TMEM181: variants seen among roughly 807,000 people sequenced by gnomAD.
TMEM181 encodes transmembrane protein 181.
TMEM181 carries 39 observed loss-of-function variants against 71.9 expected under a neutral mutation model. The observed-to-expected ratio is 0.54, with a 90% CI of 0.42 to 0.71. TMEM181 has a LOEUF of 0.71. Among genes scored for constraint, TMEM181 ranks in the 30% least tolerant of loss-of-function variants. The probability of loss-of-function intolerance (pLI) is 0.00; values close to 1 mark genes in which losing one functional copy is unlikely to be tolerated. For synonymous variants in TMEM181, 245 were observed against 228.8 expected (o/e 1.07, Z -0.64); for missense variants, 595 against 583.0 (o/e 1.02, Z -0.21).
At chr6:158,605,125 AAAAAAAGTGT>A in intron 6 of TMEM181, 132 bp from the exon 7 acceptor site, 1 of 494,520 alleles carries the variant, frequency 2.0e-6, no homozygotes. Flanking sequence ...AAAAAAAAAA[AAAAAAAGTGT>A]GTGTGTGTGT....
At chr6:158,607,441 G>T in intron 8 of TMEM181, 98 bp downstream of exon 8, 2 of 1,130,002 alleles carry the variant, frequency 1.8e-6, no homozygotes, top group Non-Finnish European at 1.3e-6. Context: ...ACTTTGAGAG[G>T]CTGGGGCAGG....
chr6:158,596,731 G>C (rs1784406703), intron 6 of TMEM181, among the ~76,000 whole-genome samples: 1 of 152,162 alleles, frequency 6.6e-6, no homozygotes, highest in African/African-American at 2.4e-5. Flanking sequence ...TCAGAATCAT[G>C]GCGAGAGGCG....
At chr6:158,577,160 A>G (rs1783212320) in intron 2 of TMEM181, among the ~76,000 whole-genome samples, 1 of 152,188 alleles carries the variant, frequency 6.6e-6, no homozygotes, top group Non-Finnish European at 1.5e-5. Context: ...GAGTAAGACC[A>G]TATGACAGAT....
chr6:158,623,494 A>G, intron 10 of TMEM181, 56 bp from the exon 11 acceptor site: 3 of 1,163,156 alleles, frequency 2.6e-6, no homozygotes, highest in Non-Finnish European at 3.6e-6. Context: ...AAAAAATGTA[A>G]AATAAAAAGT....
At chr6:158,582,956 C>T (rs937849011) in intron 3 of TMEM181, among the ~76,000 whole-genome samples, 2 of 152,088 alleles carry the variant, frequency 1.3e-5, no homozygotes, top group Non-Finnish European at 2.9e-5. Flanking sequence ...AATTCTTGGC[C>T]GGGCGCAGTG....
intron 1 of TMEM181, among the ~76,000 whole-genome samples, chr6:158,541,294 G>A (rs1781330723): frequency 1.3e-5 from 2 of 152,144 alleles, no homozygotes; most frequent in African/African-American, 4.8e-5. Flanking sequence ...GCGGGCGCCT[G>A]TAATCCCAGT....
chr6:158,614,537 G>T (rs550819657), intron 10 of TMEM181, among the ~76,000 whole-genome samples: 38 of 152,194 alleles, frequency 2.5e-4, no homozygotes, highest in African/African-American at 9.2e-4. Flanking sequence ...TGCACAACGT[G>T]CAGGTTTGTT....
intron 1 of TMEM181, among the ~76,000 whole-genome samples, chr6:158,563,968 C>T (rs1383402250): frequency 2.6e-5 from 4 of 151,680 alleles, no homozygotes; most frequent in Non-Finnish European, 5.9e-5. Context: ...AGTAGGGACA[C>T]GGTTTTGCCA....
intron 5 of TMEM181, among the ~76,000 whole-genome samples, chr6:158,586,593 C>T (rs969440871): frequency 1.3e-5 from 2 of 152,198 alleles, no homozygotes; most frequent in African/African-American, 4.8e-5. Flanking sequence ...GTGGCCTTAA[C>T]CACCATGGAT....
At chr6:158,615,883 T>C (rs1363963885) in intron 10 of TMEM181, among the ~76,000 whole-genome samples, 2 of 152,260 alleles carry the variant, frequency 1.3e-5, no homozygotes, top group Non-Finnish European at 2.9e-5. Context: ...TTTTGGTTAC[T>C]GTAGCCTTGT....
chr6:158,557,848 T>G (rs771293224), upstream of TMEM181, among the ~76,000 whole-genome samples: 1 of 152,266 alleles, frequency 6.6e-6, no homozygotes, highest in African/African-American at 2.4e-5. Context: ...GGTTATTGTT[T>G]GTTCTTGACT....
At chr6:158,538,143 GT>G (rs371698935) in intron 1 of TMEM181, among the ~76,000 whole-genome samples, 60 of 136,440 alleles carry the variant, frequency 4.4e-4, no homozygotes, top group East Asian at 6.3e-4. Context: ...CCCCTACTCT[GT>G]TTTTTTTTTT....
Position 158,578,666 on chromosome 6 carries a change from G to A in TMEM181, c.113-2274G>A, listed in dbSNP as rs562908585. Among the ~76,000 whole-genome samples, 8 of 152,204 alleles carry A rather than the reference G, an allele frequency of 5.3e-5. No individual in the cohort carries two copies. In the East Asian group the frequency reaches 1.5e-3, roughly 29 times the overall value. On this transcript the variant is annotated intron_variant, in intron 2 of 16. Coordinates refer to ENST00000684151, the MANE Select transcript of TMEM181 (RefSeq NM_001376852.1). ...TTATAACTTTAGGATATTAAAAGAG[G>A]TACAAAAAGGCTATGAGACATACAG...
At chr6:158,585,643 C>G (rs1783725539) in intron 5 of TMEM181, among the ~76,000 whole-genome samples, 1 of 152,212 alleles carries the variant, frequency 6.6e-6, no homozygotes, top group Non-Finnish European at 1.5e-5. Context: ...CATGCATTCA[C>G]ACATCCGTAA....
chr6:158,587,686 A>G (rs1783846200), intron 5 of TMEM181, among the ~76,000 whole-genome samples: 2 of 151,546 alleles, frequency 1.3e-5, no homozygotes, highest in South Asian at 4.2e-4. Flanking sequence ...TTAGGTAGCA[A>G]GGCTTTCCAC....
At chr6:158,561,736 G>T (rs1356680868) in intron 1 of TMEM181, among the ~76,000 whole-genome samples, 1 of 152,198 alleles carries the variant, frequency 6.6e-6, no homozygotes, top group Admixed American at 6.5e-5. Flanking sequence ...TTTTGTGCGA[G>T]TTTGAGGCCT....
rs148118033 is a variant in TMEM181 at position 158,590,552 on chromosome 6, C to T, written c.492+770C>T. On this transcript the variant is annotated intron_variant, in intron 6 of 16. Transcript: ENST00000684151. ...GATCTCGGCTCACTGCAACCTCCGC[C>T]TCCCGGGTTCAAGCAATTCTCCTGC... is the stretch of plus-strand genomic sequence containing the variant. Among the ~76,000 whole-genome samples, 540 of 152,252 alleles carry T rather than the reference C, an allele frequency of 3.5e-3. 4 individuals carry two copies. The highest frequency in any genetic ancestry group is 0.012 in the African/African-American group (507 of 41,532).
intron 1 of TMEM181, among the ~76,000 whole-genome samples, chr6:158,551,348 T>C (rs1379650498): frequency 2.6e-5 from 4 of 152,282 alleles, no homozygotes; most frequent in Admixed American, 6.5e-5. Flanking sequence ...ATTAGAGTTG[T>C]GGGAATTTTA....
intron 10 of TMEM181, chr6:158,610,525 G>T (rs1267642376): frequency 4.8e-6 from 2 of 413,882 alleles, no homozygotes; most frequent in Admixed American, 4.5e-5. Context: ...TTGGCTCCCA[G>T]TGGCTCTTTG....
Sources: gnomAD v4.1 joint callset for allele counts (sites outside exome capture counted in the v4.1 genomes callset) on GRCh38, gnomAD v4.1.1 for gene constraint, MANE v1.5 for transcripts, NCBI Gene and HGNC (gene_info 2026-07-23, HGNC 2026-07-21) for gene names.